The following CAB39 variants were observed in gnomAD, a reference collection of about 807,000 sequenced individuals.
CAB39 encodes the protein calcium binding protein 39, also known as calcium-binding protein 39.
CAB39 carries 8 observed loss-of-function variants against 40.0 expected under a neutral mutation model. The observed-to-expected ratio is 0.20, with a 90% CI of 0.12 to 0.36. The LOEUF is 0.36. Ranked by LOEUF, CAB39 falls within the 10% of genes least tolerant of loss-of-function variation. The pLI is 1.00. For synonymous variants in CAB39, 156 were observed against 141.6 expected (o/e 1.10, Z -0.72); for missense variants, 270 against 401.1 (o/e 0.67, Z 2.79).
intron 1 of CAB39, among the ~76,000 whole-genome samples, chr2:230,753,536 C>T (rs1331858308): frequency 1.3e-5 from 2 of 151,988 alleles, no homozygotes; most frequent in African/African-American, 2.4e-5. Context: ...GGGTAGATCA[C>T]GAGGTCAGGA....
chr2:230,759,888 A>T (rs767079195), intron 1 of CAB39, 71 bp from the exon 2 acceptor site: 21 of 575,368 alleles, frequency 3.6e-5, no homozygotes, highest in African/African-American at 1.3e-4. Context: ...TTCTTCCCAG[A>T]TTAGGATTTA....
chr2:230,811,661 C>G (rs2124981718), intron 6 of CAB39, among the ~76,000 whole-genome samples: 1 of 152,310 alleles, frequency 6.6e-6, no homozygotes, highest in South Asian at 2.1e-4. Context: ...GAAGAAAGCT[C>G]TTCATATAGT....
chr2:230,719,601 T>C (rs368562005), intron 1 of CAB39, among the ~76,000 whole-genome samples: 1 of 152,200 alleles, frequency 6.6e-6, no homozygotes, highest in South Asian at 2.1e-4. Flanking sequence ...ATTATTCTTG[T>C]AGAGAAGATG....
chr2:230,788,141 T>A (rs1695826690), intron 2 of CAB39, among the ~76,000 whole-genome samples: 1 of 152,206 alleles, frequency 6.6e-6, no homozygotes, highest in Non-Finnish European at 1.5e-5. Context: ...CATAAATGCT[T>A]CACTTTATAT....
chr2:230,808,535 C>A (rs562418306), intron 5 of CAB39, among the ~76,000 whole-genome samples: 2 of 152,196 alleles, frequency 1.3e-5, no homozygotes, highest in African/African-American at 4.8e-5. Context: ...GACCACGGTA[C>A]GAAGATAATG....
At chr2:230,730,664 G>A (rs959654921) in intron 1 of CAB39, among the ~76,000 whole-genome samples, 3 of 152,008 alleles carry the variant, frequency 2.0e-5, no homozygotes, top group South Asian at 2.1e-4. Context: ...GGCAGGTCTC[G>A]AACTGCTGAC....
intron 2 of CAB39, among the ~76,000 whole-genome samples, chr2:230,784,722 C>T (rs951786281): frequency 1.3e-5 from 2 of 151,680 alleles, no homozygotes; most frequent in East Asian, 1.9e-4. Flanking sequence ...TTTTTGGTGT[C>T]GGGAAAAAGA....
chr2:230,770,948 A>G (rs1422669213), intron 2 of CAB39, among the ~76,000 whole-genome samples: 1 of 152,220 alleles, frequency 6.6e-6, no homozygotes, highest in Non-Finnish European at 1.5e-5. Context: ...CATATGGTGA[A>G]AGGCTAAGTC....
At chr2:230,771,350 A>G (rs1695480280) in intron 2 of CAB39, among the ~76,000 whole-genome samples, 1 of 152,218 alleles carries the variant, frequency 6.6e-6, no homozygotes, top group South Asian at 2.1e-4. Flanking sequence ...AGCATTTAGA[A>G]TAGCATCAAA....
intron 5 of CAB39, among the ~76,000 whole-genome samples, chr2:230,801,937 C>T (rs1217768246): frequency 6.6e-6 from 1 of 151,476 alleles, no homozygotes; most frequent in Non-Finnish European, 1.5e-5. Context: ...AGATAGTAAA[C>T]CAGATGGCCA....
At chr2:230,743,460 G>A (rs768087124) in intron 1 of CAB39, among the ~76,000 whole-genome samples, 6 of 152,262 alleles carry the variant, frequency 3.9e-5, no homozygotes, top group Admixed American at 6.5e-5. Flanking sequence ...AAGAAAATAC[G>A]TATTTACTTT....
chr2:230,769,615 G>GA (rs1453181993), intron 2 of CAB39, among the ~76,000 whole-genome samples: 3 of 152,296 alleles, frequency 2.0e-5, no homozygotes, highest in African/African-American at 7.2e-5. Context: ...AAAATCCTTA[G>GA]AAAATCCCAA....
At chr2:230,760,906 A>C (rs1231855411) in intron 2 of CAB39, among the ~76,000 whole-genome samples, 3 of 152,200 alleles carry the variant, frequency 2.0e-5, no homozygotes, top group Non-Finnish European at 4.4e-5. Context: ...TTCTTACTGC[A>C]CTTTCTAAAA....
At position 230,760,013 on chromosome 2, in the gene CAB39, G is replaced by A. The variant is rs145505028; in HGVS notation, c.12G>A (p.Pro4=). The change falls in exon 2 of 9, where the codon CCG becomes CCA. Residue 4 remains proline, a synonymous_variant. Coordinates refer to ENST00000258418, the MANE Select transcript of CAB39 (RefSeq NM_016289.4). The part of the protein sequence containing the change: MPF[P]FGKSHKSPAD... ...CTGCCGCTGCCGTCATGCCGTTCCC[G>A]TTTGGGAAGTCTCACAAATCTCCAG... is the stretch of plus-strand genomic sequence containing the variant. 4.0e-5 allele frequency: 65 copies of A among 1,611,154 alleles called. No individual in the cohort carries two copies. The highest frequency in any genetic ancestry group is 2.9e-4 in the African/African-American group (22 of 74,988).
At chr2:230,746,037 A>T (rs1284406007) in intron 1 of CAB39, among the ~76,000 whole-genome samples, 2 of 152,184 alleles carry the variant, frequency 1.3e-5, no homozygotes, top group African/African-American at 2.4e-5. Flanking sequence ...TTTGGTCGGG[A>T]TTTAACAAAG....
At chr2:230,723,166 T>C (rs774052642) in intron 1 of CAB39, among the ~76,000 whole-genome samples, 1 of 152,200 alleles carries the variant, frequency 6.6e-6, no homozygotes. Context: ...AGTTACTGTT[T>C]CCTGTTTTAT....
chr2:230,800,695 G>T (rs555612087), intron 5 of CAB39, among the ~76,000 whole-genome samples: 1 of 152,280 alleles, frequency 6.6e-6, no homozygotes, highest in South Asian at 2.1e-4. Context: ...GAAGAGGATT[G>T]AGCAGCAGTG....
intron 2 of CAB39, among the ~76,000 whole-genome samples, chr2:230,762,007 G>C (rs1009682603): frequency 6.6e-6 from 1 of 151,786 alleles, no homozygotes; most frequent in South Asian, 2.1e-4. Context: ...TTCCATGTTC[G>C]AGCAGTTCTC....
chr2:230,723,088 A>G (rs1268576362), intron 1 of CAB39, among the ~76,000 whole-genome samples: 2 of 152,186 alleles, frequency 1.3e-5, no homozygotes, highest in African/African-American at 4.8e-5. Flanking sequence ...AAATACAAAT[A>G]TGTTCATACC....
Sources: gnomAD v4.1 joint callset for allele counts (sites outside exome capture counted in the v4.1 genomes callset) on GRCh38, gnomAD v4.1.1 for gene constraint, MANE v1.5 for transcripts, NCBI Gene and HGNC (gene_info 2026-07-23, HGNC 2026-07-21) for gene names.